The following MCC variants were observed in gnomAD, a reference collection of about 807,000 sequenced individuals.
MCC encodes MCC regulator of Wnt signaling pathway, also known as colorectal mutant cancer protein.
In MCC, 90 loss-of-function variants were observed where a neutral mutation model predicts 116.2. The ratio of observed to expected loss-of-function variants is 0.77; its 90% CI spans 0.65 to 0.92. MCC has a LOEUF of 0.92. Among genes scored for constraint, MCC ranks in the 40% least tolerant of loss-of-function variants. The probability of loss-of-function intolerance (pLI) is 0.00; values close to 1 mark genes in which losing one functional copy is unlikely to be tolerated. For missense variants in MCC, 1,516 were observed against 1,312.2 expected (o/e 1.16, Z -2.40); for synonymous variants, 578 against 510.5 (o/e 1.13, Z -1.78).
intron 3 of MCC, among the ~76,000 whole-genome samples, chr5:113,232,930 C>G (rs1423703742): frequency 3.3e-5 from 5 of 152,072 alleles, no homozygotes; most frequent in African/African-American, 1.2e-4. Flanking sequence ...AGTATCTACC[C>G]AGGAGCAGAA....
intron 3 of MCC, among the ~76,000 whole-genome samples, chr5:113,333,974 A>T (rs1226980047): frequency 7.0e-6 from 1 of 143,736 alleles, no homozygotes; most frequent in African/African-American, 2.6e-5. Context: ...ACTTTTCATC[A>T]ACTTTCTGTT....
chr5:113,464,097 T>C (rs1278678528), intron 1 of MCC, among the ~76,000 whole-genome samples: 1 of 112,882 alleles, frequency 8.9e-6, no homozygotes. Context: ...AGGTCACTAG[T>C]GACCTTAGCA....
At chr5:113,318,962 G>A (rs1460651116) in intron 3 of MCC, among the ~76,000 whole-genome samples, 2 of 152,110 alleles carry the variant, frequency 1.3e-5, no homozygotes, top group African/African-American at 4.8e-5. Flanking sequence ...CACCTCCTGG[G>A]CTCAAGTGAT....
At chr5:113,094,825 G>T (rs1755908136) in intron 8 of MCC, among the ~76,000 whole-genome samples, 1 of 152,194 alleles carries the variant, frequency 6.6e-6, no homozygotes, top group Admixed American at 6.5e-5. Flanking sequence ...GGCACATGAG[G>T]CTGGGGTGAG....
chr5:113,050,357 G>A (rs1752408774), intron 15 of MCC, among the ~76,000 whole-genome samples: 1 of 152,116 alleles, frequency 6.6e-6, no homozygotes, highest in Admixed American at 6.5e-5. Context: ...CCGTGAGATG[G>A]ACTCACCTGA....
In MCC at chr5:113,026,230, TG is replaced by T. The variant is rs1384289709; in HGVS notation, c.*1071del. On this transcript the variant is annotated 3_prime_UTR_variant, in exon 19 of 19. Transcript: ENST00000408903. ...AGCCTTAACTACCATTCCCTCACTCTGTCCCCGTCATGACAACAGGAGCTAA... is the reference window on the plus strand; with the variant it reads ...AGCCTTAACTACCATTCCCTCACTCTTCCCCGTCATGACAACAGGAGCTAA... 1.3e-5 allele frequency: 2 copies of T among 152,236 alleles called. No individual in the cohort carries two copies. Among genetic ancestry groups the T allele is most frequent in the African/African-American group, 4.8e-5 (2 of 41,464 alleles). The allele number at this position is 152,236 out of a possible 1,614,324, so 9.4% of individuals were successfully genotyped here.
At chr5:113,097,599 A>T (rs1756105360) in intron 8 of MCC, among the ~76,000 whole-genome samples, 1 of 152,188 alleles carries the variant, frequency 6.6e-6, no homozygotes, top group African/African-American at 2.4e-5. Flanking sequence ...GTCTCAAGAA[A>T]AGCAACACCA....
intron 3 of MCC, among the ~76,000 whole-genome samples, chr5:113,168,070 C>A (rs1048464203): frequency 2.0e-5 from 3 of 152,126 alleles, no homozygotes; most frequent in African/African-American, 7.2e-5. Flanking sequence ...AGAAAAAGTG[C>A]AAACATGGCA....
chr5:113,100,464 CTTTTTTT>C lies in MCC; in HGVS notation c.1398+1268_1398+1274del, dbSNP rs10649958. ...TGAGACCCACTAGATGTATTTTTCC[CTTTTTTT>C]TTTTTTTTTTTTTTTTTGGACATGG... On this transcript the variant is annotated intron_variant, in intron 8 of 18. Transcript: ENST00000408903. Among the ~76,000 whole-genome samples, 226 of 78,854 alleles carry C rather than the reference CTTTTTTT, an allele frequency of 2.9e-3. 1 individual carries two copies. Among genetic ancestry groups the C allele is most frequent in the African/African-American group, 8.4e-3 (182 of 21,620 alleles). 51.7% of individuals were successfully genotyped at this position (78,854 alleles called of 152,430 possible). A position where few individuals can be genotyped will look rare whatever the true frequency, so the allele number is the denominator to read the frequency against.
chr5:113,294,630 C>T, intron 3 of MCC: 1 of 1,140,016 alleles, frequency 8.8e-7, no homozygotes, highest in Non-Finnish European at 1.1e-6. Flanking sequence ...GCGCTCGCAG[C>T]TGCGGCAGCG....
chr5:113,062,070 T>C lies in MCC; in HGVS notation c.2213+1914A>G, dbSNP rs149275277. Among the ~76,000 whole-genome samples, 470 of 152,338 alleles carry C rather than the reference T, an allele frequency of 3.1e-3. 2 individuals are homozygous for C. Among genetic ancestry groups the C allele is most frequent in the Non-Finnish European group, 5.1e-3 (346 of 68,036 alleles). On this transcript the variant is annotated intron_variant, in intron 14 of 18. Transcript: ENST00000408903. ...TGTGTGGTTCTTCCATCCTCGGAGCTGCTCTGATTTGGGCGGGAGGGTAAA... is the reference window on the plus strand; with the variant it reads ...TGTGTGGTTCTTCCATCCTCGGAGCCGCTCTGATTTGGGCGGGAGGGTAAA...
At chr5:113,132,302 C>A (rs1337015553) in intron 5 of MCC, among the ~76,000 whole-genome samples, 3 of 150,228 alleles carry the variant, frequency 2.0e-5, no homozygotes, top group African/African-American at 7.4e-5. Context: ...TTCACCAGTA[C>A]CAACTCACCC....
chr5:113,331,684 G>A (rs376299901), intron 3 of MCC, among the ~76,000 whole-genome samples: 4 of 151,324 alleles, frequency 2.6e-5, no homozygotes, highest in South Asian at 4.2e-4. Context: ...TGCCCAGGCT[G>A]GAGTACAGTG....
At chr5:113,224,637 T>C (rs1763667450) in intron 3 of MCC, among the ~76,000 whole-genome samples, 1 of 152,166 alleles carries the variant, frequency 6.6e-6, no homozygotes, top group African/African-American at 2.4e-5. Context: ...ATTCCAAAAG[T>C]ATCACCACTA....
chr5:113,346,443 C>CA (rs1458130118), intron 2 of MCC, among the ~76,000 whole-genome samples: 2 of 151,370 alleles, frequency 1.3e-5, no homozygotes, highest in African/African-American at 4.9e-5. Context: ...ACTAAAAATA[C>CA]AAAAAAAATT....
intron 2 of MCC, among the ~76,000 whole-genome samples, chr5:113,361,327 CTCA>C (rs1768542745): frequency 6.7e-6 from 1 of 148,922 alleles, no homozygotes; most frequent in Admixed American, 6.7e-5. Context: ...AATTTTTGTT[CTCA>C]TCTTTATTAT....
At chr5:113,118,361 T>TA (rs1327052650) in intron 6 of MCC, among the ~76,000 whole-genome samples, 3 of 151,968 alleles carry the variant, frequency 2.0e-5, no homozygotes, top group African/African-American at 7.3e-5. Flanking sequence ...GGTAATTTTT[T>TA]TAAAAAAAAC....
At chr5:113,373,006 G>A (rs781321620) in intron 2 of MCC, among the ~76,000 whole-genome samples, 4 of 151,920 alleles carry the variant, frequency 2.6e-5, no homozygotes, top group Non-Finnish European at 5.9e-5. Flanking sequence ...ATGAAACCCC[G>A]TCTTTACTAA....
intron 4 of MCC, among the ~76,000 whole-genome samples, chr5:113,149,371 T>C (rs992051709): frequency 2.6e-5 from 4 of 152,116 alleles, no homozygotes; most frequent in Non-Finnish European, 5.9e-5. Flanking sequence ...AGGAAAATAT[T>C]TTAAGTAACA....
Sources: gnomAD v4.1 joint callset for allele counts (sites outside exome capture counted in the v4.1 genomes callset) on GRCh38, gnomAD v4.1.1 for gene constraint, MANE v1.5 for transcripts, NCBI Gene and HGNC (gene_info 2026-07-23, HGNC 2026-07-21) for gene names.